The following KIF6 variants were observed in gnomAD, a reference collection of about 807,000 sequenced individuals.
KIF6 encodes the protein kinesin-like protein KIF6.
A neutral mutation model predicts 112.7 loss-of-function variants in KIF6; 106 were observed. The observed-to-expected ratio is 0.94, with a 90% confidence interval of 0.80 to 1.11. KIF6 has a LOEUF of 1.11. Among genes scored for constraint, KIF6 ranks in the 50% least tolerant of loss-of-function variants. The pLI is 0.00. For missense variants in KIF6, 929 were observed against 964.0 expected (o/e 0.96, Z 0.48); for synonymous variants, 339 against 339.9 (o/e 1.00, Z 0.03).
chr6:39,570,768 T>C lies in KIF6; in HGVS notation c.1181+7288A>G, dbSNP rs116104925. On this transcript the variant is annotated intron_variant, in intron 10 of 22. Coordinates refer to ENST00000287152, the MANE Select transcript of KIF6 (RefSeq NM_145027.6). ...ACACTCACTCCATCCTGCCACCCCA[T>C]GAAGAAGGTGCCTGCTTCTCCTTTG... 2.7e-3 allele frequency among the ~76,000 whole-genome samples: 405 copies of C among 152,296 alleles called. 6 individuals are homozygous for C. The highest frequency in any genetic ancestry group is 5.8e-3 in the South Asian group (28 of 4,830).
At position 39,343,796 on chromosome 6, in the gene KIF6, A is replaced by G. The variant is rs769257394; in HGVS notation, c.2341T>C (p.Ser781Pro). ...LEDSIPKRPV[S>P]SIPLTGDSQT... ...CTGTCTCCGGTGAGAGGGATGGACGACACTGGCCTCTTGGGGATGCTGGAG... is the reference window on the plus strand; with the variant it reads ...CTGTCTCCGGTGAGAGGGATGGACGGCACTGGCCTCTTGGGGATGCTGGAG... The change falls in exon 22 of 23, where the codon TCG becomes CCG. Residue 781 changes from serine to proline, a missense_variant. Ser to Pro is a moderately conservative substitution (Grantham distance 74). Around this residue, in one of 2 missense-constraint regions of KIF6, gnomAD observed 241 missense variants for 301.4 expected, o/e 0.80. Transcript: ENST00000287152. The surrounding 1 kb of genome is among the most constrained non-coding windows in gnomAD (Gnocchi z 4.1). 9.9e-6 allele frequency: 16 copies of G among 1,608,560 alleles called. No homozygotes were observed. The highest frequency in any genetic ancestry group is 1.4e-5 in the Non-Finnish European group (16 of 1,177,886).
rs116596809 is a variant in KIF6 at position 39,702,172 on chromosome 6, T to C, written c.251+12520A>G. On this transcript the variant is annotated intron_variant, in intron 3 of 22. Coordinates refer to ENST00000287152, the MANE Select transcript of KIF6 (RefSeq NM_145027.6). The stretch of plus-strand genomic sequence containing the variant: ...ACTGTCATCTCCTTGTCCATAGTGA[T>C]CCTTCCAGACTCTCATTCTCTCTAC... 3.1e-3 allele frequency among the ~76,000 whole-genome samples: 476 copies of C among 152,290 alleles called. 1 individual carries two copies. The highest frequency in any genetic ancestry group is 0.011 in the African/African-American group (458 of 41,564).
At chr6:39,715,867 T>C (rs1789821319) in intron 2 of KIF6, among the ~76,000 whole-genome samples, 1 of 152,214 alleles carries the variant, frequency 6.6e-6, no homozygotes. Flanking sequence ...TCTATAGATG[T>C]ATCACAGCTT....
intron 10 of KIF6, among the ~76,000 whole-genome samples, chr6:39,562,774 G>C (rs1484872588): frequency 6.6e-6 from 1 of 152,062 alleles, no homozygotes; most frequent in Non-Finnish European, 1.5e-5. Flanking sequence ...CTCAATAAAT[G>C]GCATTTATTT....
intron 17 of KIF6, among the ~76,000 whole-genome samples, chr6:39,361,492 G>A (rs1408806055): frequency 6.8e-6 from 1 of 147,082 alleles, no homozygotes; most frequent in African/African-American, 2.5e-5. Context: ...CCGGGAGATG[G>A]AGTTTGCAGT....
chr6:39,431,127 C>T lies in KIF6; in HGVS notation c.1680G>A (p.Glu560=), dbSNP rs759582753. The T allele has an allele frequency of 5.0e-6, 8 of 1,612,146 alleles. No individual in the cohort carries two copies. The highest frequency in any genetic ancestry group is 1.1e-5 in the South Asian group (1 of 90,954). Residue 560 remains glutamate, a synonymous_variant, in exon 14 of 23, where the codon GAG becomes GAA. Transcript: ENST00000287152. ...GGTCCCTCTTGAAGATTTCAAAAGC[C>T]TCCTGGCATCCTAATGACATTTCCT... ...MREEMSLGCQ[E]AFEIFKRDHA...
At chr6:39,562,682 G>A (rs991608516) in intron 10 of KIF6, among the ~76,000 whole-genome samples, 1 of 152,188 alleles carries the variant, frequency 6.6e-6, no homozygotes, top group African/African-American at 2.4e-5. Flanking sequence ...TTTGCCTCAT[G>A]AGGTTACTGG....
intron 13 of KIF6, among the ~76,000 whole-genome samples, chr6:39,495,333 G>A (rs1007954087): frequency 1.3e-5 from 2 of 152,188 alleles, no homozygotes; most frequent in Admixed American, 1.3e-4. Flanking sequence ...ATATGTCCGC[G>A]TGTCCCTGGA....
At chr6:39,504,133 C>A (rs999215686) in intron 13 of KIF6, among the ~76,000 whole-genome samples, 1 of 152,138 alleles carries the variant, frequency 6.6e-6, no homozygotes, top group African/African-American at 2.4e-5. Flanking sequence ...CTGAATCTGG[C>A]AGCACATCAA....
intron 13 of KIF6, among the ~76,000 whole-genome samples, chr6:39,451,568 T>C (rs986165110): frequency 2.6e-5 from 4 of 152,184 alleles, no homozygotes; most frequent in African/African-American, 9.7e-5. Context: ...TGCTCCTTGG[T>C]TTTCCTGCCT....
chr6:39,606,618 G>A (rs1413317869), intron 6 of KIF6, among the ~76,000 whole-genome samples: 1 of 152,102 alleles, frequency 6.6e-6, no homozygotes, highest in Non-Finnish European at 1.5e-5. Flanking sequence ...TATTTCACAT[G>A]AATAGGTCTG....
chr6:39,509,679 G>GA (rs1489826614), intron 13 of KIF6, among the ~76,000 whole-genome samples: 2 of 152,074 alleles, frequency 1.3e-5, no homozygotes, highest in Non-Finnish European at 2.9e-5. Context: ...CAAGAATAGA[G>GA]AAAAAAGAGT....
At chr6:39,387,142 C>T (rs1354906822) in intron 15 of KIF6, among the ~76,000 whole-genome samples, 1 of 152,074 alleles carries the variant, frequency 6.6e-6, no homozygotes, top group African/African-American at 2.4e-5. Flanking sequence ...TGGGCATTTC[C>T]CTTCTGACTT....
Position 39,720,778 on chromosome 6 carries a change from G to T in KIF6, c.100C>A (p.Pro34Thr). 6.2e-7 allele frequency: 1 copy of T among 1,603,476 alleles called. No individual in the cohort carries two copies. The highest frequency in any genetic ancestry group is 8.5e-7 in the Non-Finnish European group (1 of 1,170,532). ...YSIDEDEKLIPSLEIILPRDL... is the reference protein window; with the variant it reads ...YSIDEDEKLITSLEIILPRDL... ...CGTGGTAAGATGATTTCCAAGCTAG[G>T]TATTAATTTTTCATCTTCATCTATG... is the stretch of plus-strand genomic sequence containing the variant. Residue 34 changes from proline to threonine, a missense_variant, in exon 2 of 23, where the codon CCT (proline) becomes ACT (threonine). Pro to Thr is a conservative substitution (Grantham distance 38). This residue lies in a region of KIF6 where 688 missense variants were observed against 662.7 expected (regional missense o/e 1.04). Coordinates refer to ENST00000287152, the MANE Select transcript of KIF6 (RefSeq NM_145027.6).
chr6:39,522,273 T>A (rs1364338824), intron 13 of KIF6, among the ~76,000 whole-genome samples: 2 of 152,120 alleles, frequency 1.3e-5, no homozygotes, highest in Non-Finnish European at 2.9e-5. Context: ...CCGTTGAGAT[T>A]TGTAACATTT....
intron 13 of KIF6, among the ~76,000 whole-genome samples, chr6:39,515,797 G>C (rs192931096): frequency 6.6e-6 from 1 of 152,204 alleles, no homozygotes; most frequent in East Asian, 1.9e-4. Flanking sequence ...CAAATTCCAA[G>C]ACAATAATTC....
intron 1 of KIF6, among the ~76,000 whole-genome samples, chr6:39,723,028 G>C (rs1790315721): frequency 6.6e-6 from 1 of 152,170 alleles, no homozygotes; most frequent in Admixed American, 6.5e-5. Context: ...CCTTATCCCA[G>C]CCTCTGCTCT....
chr6:39,662,608 A>G (rs915375426), intron 3 of KIF6, among the ~76,000 whole-genome samples: 1 of 152,160 alleles, frequency 6.6e-6, no homozygotes, highest in African/African-American at 2.4e-5. Flanking sequence ...AACCCAATGT[A>G]AGAAGTCCTT....
At chr6:39,612,986 A>G (rs1431043738) in intron 6 of KIF6, among the ~76,000 whole-genome samples, 1 of 152,196 alleles carries the variant, frequency 6.6e-6, no homozygotes, top group Non-Finnish European at 1.5e-5. Flanking sequence ...GTTCCTGCTC[A>G]TTAGCTAGCT....
Sources: allele counts gnomAD v4.1 joint callset (sites outside exome capture counted in the v4.1 genomes callset), GRCh38; gene constraint gnomAD v4.1.1; regional missense constraint gnomAD v4.1.1; non-coding constraint Gnocchi (gnomAD v3.1); transcripts MANE v1.5; gene names NCBI Gene and HGNC (gene_info 2026-07-23, HGNC 2026-07-21).